NCALD: variants seen among roughly 807,000 people sequenced by gnomAD.
The protein encoded by NCALD is neurocalcin-delta.
A neutral mutation model predicts 18.6 loss-of-function variants in NCALD; 10 were observed. The ratio of observed to expected loss-of-function variants is 0.54; its 90% CI spans 0.33 to 0.91. The LOEUF (loss-of-function observed/expected upper bound fraction) is 0.91. Ranked by LOEUF, NCALD falls within the 40% of genes least tolerant of loss-of-function variation. The pLI is 0.03. For synonymous variants in NCALD, 88 were observed against 87.4 expected (o/e 1.01, Z -0.04); for missense variants, 184 against 247.6 (o/e 0.74, Z 1.72).
At chr8:101,901,554 A>G (rs1817423308) in intron 3 of NCALD, among the ~76,000 whole-genome samples, 1 of 151,934 alleles carries the variant, frequency 6.6e-6, no homozygotes, top group African/African-American at 2.4e-5. Flanking sequence ...TGCTCTCCTT[A>G]TTATAATAAA....
intron 1 of NCALD, among the ~76,000 whole-genome samples, chr8:102,105,923 G>A (rs962952198): frequency 3.9e-5 from 6 of 152,078 alleles, no homozygotes; most frequent in Admixed American, 6.5e-5. Flanking sequence ...AGAAGATTCC[G>A]TGAGATAATA....
Position 101,688,992 on chromosome 8 carries a change from T to A in NCALD, c.*317A>T. On this transcript the variant is annotated 3_prime_UTR_variant, in exon 4 of 4. Transcript: ENST00000220931. ...AGGACTGGATGGGTTTCCCTTCTTT[T>A]GCCCCAACCCCCGAGTCTTACGTTT... 1 of 683,328 alleles carries A rather than the reference T, an allele frequency of 1.5e-6. No homozygotes were observed. The highest frequency in any genetic ancestry group is 2.7e-5 in the East Asian group (1 of 37,134). 42.3% of individuals were successfully genotyped at this position (683,328 alleles called of 1,614,324 possible). A position where few individuals can be genotyped will look rare whatever the true frequency, so the allele number is the denominator to read the frequency against.
chr8:102,054,650 CTT>C (rs1441174734), intron 1 of NCALD, among the ~76,000 whole-genome samples: 8 of 148,132 alleles, frequency 5.4e-5, no homozygotes, highest in Non-Finnish European at 8.9e-5. Context: ...ATGTCTCTCT[CTT>C]TCTCTTCCGA....
At chr8:101,954,816 T>C (rs1819560678) in intron 2 of NCALD, among the ~76,000 whole-genome samples, 1 of 152,204 alleles carries the variant, frequency 6.6e-6, no homozygotes, top group Admixed American at 6.5e-5. Context: ...ATCATCATCA[T>C]AAATGCCATG....
chr8:101,798,972 T>C (rs2131063594), intron 4 of NCALD, among the ~76,000 whole-genome samples: 1 of 152,220 alleles, frequency 6.6e-6, no homozygotes, highest in Admixed American at 6.5e-5. Context: ...AATAAGTAAT[T>C]GATAATATAG....
chr8:101,942,483 A>G (rs954701251), intron 2 of NCALD, among the ~76,000 whole-genome samples: 6 of 152,214 alleles, frequency 3.9e-5, no homozygotes, highest in African/African-American at 1.4e-4. Context: ...TAATCAATAT[A>G]CTAGGAGAAC....
At chr8:101,945,046 G>T (rs146056143) in intron 2 of NCALD, among the ~76,000 whole-genome samples, 2 of 152,176 alleles carry the variant, frequency 1.3e-5, no homozygotes, top group Non-Finnish European at 2.9e-5. Flanking sequence ...AGCAATGTTC[G>T]TGTCCTACGT....
intron 4 of NCALD, among the ~76,000 whole-genome samples, chr8:101,824,132 G>A (rs1813834993): frequency 6.6e-6 from 1 of 152,182 alleles, no homozygotes; most frequent in African/African-American, 2.4e-5. Flanking sequence ...AAGTAGCACA[G>A]AACCTATGCT....
intron 1 of NCALD, among the ~76,000 whole-genome samples, chr8:101,777,495 C>T (rs1811841988): frequency 6.6e-6 from 1 of 152,168 alleles, no homozygotes; most frequent in African/African-American, 2.4e-5. Context: ...ATGGAATTGG[C>T]TCATGTGACC....
chr8:102,046,738 G>A (rs929996053), intron 1 of NCALD, among the ~76,000 whole-genome samples: 2 of 151,190 alleles, frequency 1.3e-5, no homozygotes, highest in South Asian at 2.1e-4. Flanking sequence ...CTCAGCCTCC[G>A]GAAGTACTGG....
At chr8:101,742,146 G>A (rs977477981) in intron 1 of NCALD, among the ~76,000 whole-genome samples, 4 of 151,208 alleles carry the variant, frequency 2.6e-5, no homozygotes, top group Non-Finnish European at 5.9e-5. Flanking sequence ...CCAGCTATGT[G>A]GGAGGCTGAG....
intron 2 of NCALD, among the ~76,000 whole-genome samples, chr8:101,716,062 C>A (rs1816063380): frequency 6.6e-6 from 1 of 152,142 alleles, no homozygotes; most frequent in Non-Finnish European, 1.5e-5. Context: ...AGACTTGGAA[C>A]CAACCCAAAT....
At chr8:101,780,369 A>G (rs1162086397) in intron 1 of NCALD, among the ~76,000 whole-genome samples, 1 of 152,172 alleles carries the variant, frequency 6.6e-6, no homozygotes, top group Non-Finnish European at 1.5e-5. Context: ...CTGTCATGAA[A>G]CAGATGTTTA....
In NCALD at chr8:101,827,433, A is replaced by G. The variant is rs566368299; in HGVS notation, c.-20+59708T>C. ...TTTGGGAACCATTATTTAATCTACT[A>G]TAACTATCCAAAGCCACAAGTCCCT... On this transcript the variant is annotated intron_variant, in intron 4 of 6. Coordinates refer to the NCALD transcript ENST00000311028. Among the ~76,000 whole-genome samples, 64 of 152,334 alleles carry G rather than the reference A, an allele frequency of 4.2e-4. 1 individual carries two copies. The South Asian group carries it at 0.01, about 25-fold the overall frequency.
At chr8:101,972,238 G>A (rs909331809) in intron 2 of NCALD, among the ~76,000 whole-genome samples, 2 of 152,232 alleles carry the variant, frequency 1.3e-5, no homozygotes, top group African/African-American at 4.8e-5. Context: ...TGGAAAAGCA[G>A]TGAGGAGACA....
chr8:101,733,030 C>T (rs1816912883), intron 1 of NCALD, among the ~76,000 whole-genome samples: 1 of 152,092 alleles, frequency 6.6e-6, no homozygotes, highest in Admixed American at 6.6e-5. Context: ...TAAATTCATG[C>T]AACTCACGGT....
At chr8:102,105,751 G>A (rs1254781838) in intron 1 of NCALD, among the ~76,000 whole-genome samples, 3 of 152,090 alleles carry the variant, frequency 2.0e-5, no homozygotes, top group African/African-American at 7.2e-5. Flanking sequence ...TCTATTCCAG[G>A]AACAGGTCTA....
chr8:102,102,575 GA>G (rs892765300), intron 1 of NCALD, among the ~76,000 whole-genome samples: 1 of 152,122 alleles, frequency 6.6e-6, no homozygotes, highest in African/African-American at 2.4e-5. Flanking sequence ...CTAGCAAGTG[GA>G]AAAAGGGAGC....
At chr8:101,842,344 GA>G (rs34318119) in intron 4 of NCALD, among the ~76,000 whole-genome samples, 59,683 of 150,804 alleles carry the variant, frequency 0.4, 14,922 homozygotes, top group African/African-American at 0.71. Context: ...AATAAAAAAG[GA>G]AAAAAAAACA....
Sources: gnomAD v4.1 joint callset for allele counts (sites outside exome capture counted in the v4.1 genomes callset) on GRCh38, gnomAD v4.1.1 for gene constraint, MANE v1.5 for transcripts, NCBI Gene and HGNC (gene_info 2026-07-23, HGNC 2026-07-21) for gene names.